SMOC1: variants seen among roughly 807,000 people sequenced by gnomAD.
The protein encoded by SMOC1 is SPARC-related modular calcium-binding protein 1.
In SMOC1, 22 loss-of-function variants were observed where a neutral mutation model predicts 56.3. That is an observed-to-expected ratio of 0.39 (90% confidence interval 0.28 to 0.56). The LOEUF is 0.56. SMOC1 is among the 20% of genes least tolerant of loss of function. The pLI is 0.61. For missense variants in SMOC1, 509 were observed against 565.4 expected, an observed-to-expected ratio of 0.90 and a Z score of 1.01; for synonymous variants, 193 against 215.0, an observed-to-expected ratio of 0.90 and a Z score of 0.89.
intron 11 of SMOC1, among the ~76,000 whole-genome samples, chr14:70,024,877 G>A (rs1235814250): frequency 3.3e-5 from 5 of 152,198 alleles, no homozygotes; most frequent in Non-Finnish European, 7.3e-5. Flanking sequence ...GGTGGGACAT[G>A]GATTGGAAAT....
intron 7 of SMOC1, among the ~76,000 whole-genome samples, chr14:70,007,865 A>T (rs1343938987): frequency 6.6e-6 from 1 of 152,150 alleles, no homozygotes; most frequent in African/African-American, 2.4e-5. Flanking sequence ...AGTTGTAAAG[A>T]TGATTTTAAG....
intron 1 of SMOC1, among the ~76,000 whole-genome samples, chr14:69,881,779 C>T (rs918683135): frequency 6.6e-6 from 1 of 152,244 alleles, no homozygotes; most frequent in East Asian, 1.9e-4. Flanking sequence ...TTATAGATAA[C>T]AATAAGAGCT....
chr14:70,003,476 A>G (rs1018384099), intron 7 of SMOC1, among the ~76,000 whole-genome samples: 1 of 152,158 alleles, frequency 6.6e-6, no homozygotes, highest in African/African-American at 2.4e-5. Context: ...GGTTTATTCA[A>G]CAGTGGGCAG....
At chr14:69,892,929 A>G (rs1884003031) in intron 1 of SMOC1, among the ~76,000 whole-genome samples, 1 of 152,208 alleles carries the variant, frequency 6.6e-6, no homozygotes, top group African/African-American at 2.4e-5. Context: ...ATCAAGGTCC[A>G]AATAAGGTCC....
chr14:70,009,616 T>C lies in SMOC1; in HGVS notation c.665-1138T>C, dbSNP rs1440294134. Among the ~76,000 whole-genome samples the C allele has an allele frequency of 2.0e-5, 3 of 152,030 alleles. No homozygotes were observed. The East Asian group carries it at 5.8e-4, about 29-fold the overall frequency. On this transcript the variant is annotated intron_variant, in intron 7 of 11. Transcript: ENST00000361956. ...CCTGTCAATTTCTTCAAGAGAAGAG[T>C]TGTAGAATAGTGGTATGAAAAAAAT...
intron 3 of SMOC1, among the ~76,000 whole-genome samples, chr14:69,965,215 T>C (rs1167826225): frequency 6.6e-6 from 1 of 151,882 alleles, no homozygotes; most frequent in Non-Finnish European, 1.5e-5. Context: ...CCATCTCCAC[T>C]AAAAACACAC....
At chr14:69,939,963 G>A (rs1882485749) in intron 1 of SMOC1, among the ~76,000 whole-genome samples, 1 of 152,182 alleles carries the variant, frequency 6.6e-6, no homozygotes, top group African/African-American at 2.4e-5. Flanking sequence ...TTCATGCAGA[G>A]GTGGGAAGAA....
chr14:69,941,776 G>C (rs227396), intron 1 of SMOC1, among the ~76,000 whole-genome samples: 98,505 of 152,100 alleles, frequency 0.65, 33,260 homozygotes, highest in African/African-American at 0.84. Flanking sequence ...CTTTGCTTGT[G>C]TACTTAGGTG....
intron 7 of SMOC1, among the ~76,000 whole-genome samples, chr14:69,997,900 C>T (rs1884826006): frequency 1.3e-5 from 2 of 152,234 alleles, no homozygotes; most frequent in Admixed American, 1.3e-4. Context: ...CCGTGAAGCC[C>T]ATCGGGGTGA....
At chr14:69,924,023 G>C (rs1156899562) in intron 1 of SMOC1, among the ~76,000 whole-genome samples, 1 of 152,212 alleles carries the variant, frequency 6.6e-6, no homozygotes, top group Non-Finnish European at 1.5e-5. Context: ...ACCAGAAAAA[G>C]GGGATCTCAG....
At chr14:69,994,538 TTC>T in intron 7 of SMOC1, 58 bp downstream of exon 7, 2 of 1,331,648 alleles carry the variant, frequency 1.5e-6, no homozygotes, top group Non-Finnish European at 2.2e-6. Flanking sequence ...TGCCCCGTGG[TTC>T]TGTGACTACT....
intron 1 of SMOC1, among the ~76,000 whole-genome samples, chr14:69,935,885 G>C (rs1388493831): frequency 6.6e-6 from 1 of 152,224 alleles, no homozygotes; most frequent in East Asian, 1.9e-4. Context: ...CTTAGAAGGG[G>C]GTTAGTAAAT....
At chr14:70,029,068 T>C (rs1886039041) in intron 11 of SMOC1, among the ~76,000 whole-genome samples, 2 of 152,164 alleles carry the variant, frequency 1.3e-5, no homozygotes, top group African/African-American at 2.4e-5. Flanking sequence ...TCCCAGGCTG[T>C]AGACTGACCC....
intron 11 of SMOC1, among the ~76,000 whole-genome samples, chr14:70,029,732 T>G (rs1886068722): frequency 6.6e-6 from 1 of 152,180 alleles, no homozygotes; most frequent in Admixed American, 6.5e-5. Context: ...TTCAGTAAGT[T>G]GCCCCTTTCT....
chr14:70,000,368 C>T (rs1281282607), intron 7 of SMOC1, among the ~76,000 whole-genome samples: 1 of 152,160 alleles, frequency 6.6e-6, no homozygotes, highest in African/African-American at 2.4e-5. Flanking sequence ...CAGTTTAAGG[C>T]CAATGAAAGT....
intron 3 of SMOC1, among the ~76,000 whole-genome samples, chr14:69,972,050 A>G (rs577901817): frequency 6.6e-6 from 1 of 152,332 alleles, no homozygotes; most frequent in African/African-American, 2.4e-5. Flanking sequence ...TATTTACATT[A>G]TCAAATTGAA....
chr14:69,978,295 G>A (rs1241510833), intron 5 of SMOC1, among the ~76,000 whole-genome samples: 2 of 152,176 alleles, frequency 1.3e-5, no homozygotes, highest in Non-Finnish European at 2.9e-5. Context: ...TTAAACCAGA[G>A]AGGATGAGGA....
chr14:69,885,786 C>T lies in SMOC1; in HGVS notation c.99+6009C>T, dbSNP rs139153576. 2,100 of 1,572,092 alleles carry T rather than the reference C, an allele frequency of 1.3e-3. 19 individuals carry two copies. The African/African-American group carries it at 0.024, about 18-fold the overall frequency. On this transcript the variant is annotated intron_variant, in intron 1 of 11. Coordinates refer to ENST00000361956, the MANE Select transcript of SMOC1 (RefSeq NM_001034852.3). ...TCCCCTTTGCCAGCAGCTTTCTTCT[C>T]GGCCCGGGCCAACAGTCTCTGCTTC...
intron 10 of SMOC1, among the ~76,000 whole-genome samples, chr14:70,015,460 AC>A (rs1284941148): frequency 7.3e-5 from 5 of 68,856 alleles, no homozygotes; most frequent in African/African-American, 2.7e-4. Flanking sequence ...AACAACAACA[AC>A]AAAAAAAAAA....
Sources: allele counts gnomAD v4.1 joint callset (sites outside exome capture counted in the v4.1 genomes callset), GRCh38; gene constraint gnomAD v4.1.1; transcripts MANE v1.5; gene names NCBI Gene and HGNC (gene_info 2026-07-23, HGNC 2026-07-21).